IL1RAPL1: variants seen among roughly 807,000 people sequenced by gnomAD.
IL1RAPL1 encodes interleukin-1 receptor accessory protein-like 1.
IL1RAPL1 carries 3 observed loss-of-function variants against 48.4 expected under a neutral mutation model. The observed-to-expected ratio is 0.06, with a 90% confidence interval of 0.03 to 0.16. The LOEUF is 0.16. Ranked by LOEUF, IL1RAPL1 falls within the 10% of genes least tolerant of loss-of-function variation. IL1RAPL1 has a pLI of 1.00. For missense variants in IL1RAPL1, 349 were observed against 530.6 expected (o/e 0.66, Z 3.36); for synonymous variants, 185 against 187.7 (o/e 0.99, Z 0.12).
rs1394553969 is a variant in IL1RAPL1, at chrX:29,144,624, A to AG, written c.83-138314_83-138313insG. 2.8e-5 allele frequency among the ~76,000 whole-genome samples: 3 copies of AG among 108,283 alleles called. No individual in the cohort carries two copies. The East Asian group carries it at 8.6e-4, about 31-fold the overall frequency. 94.0% of individuals were successfully genotyped at this position (108,283 alleles called of 115,157 possible). ...GTCTCAAAAAAAAAAAAAAAAAAAA[A>AG]AGGAAAGATCTGAATAAATAATCTC... is the stretch of plus-strand genomic sequence containing the variant. On this transcript the variant is annotated intron_variant, in intron 2 of 10. Transcript: ENST00000378993.
chrX:28,949,231 A>G (rs1425865858), intron 2 of IL1RAPL1, among the ~76,000 whole-genome samples: 2 of 111,010 alleles, frequency 1.8e-5, no homozygotes, highest in African/African-American at 6.5e-5. Context: ...AAATTCTTCA[A>G]AGATAACTGC....
intron 1 of IL1RAPL1, among the ~76,000 whole-genome samples, chrX:28,666,295 C>G (rs1230739643): frequency 9.0e-6 from 1 of 111,723 alleles, no homozygotes; most frequent in Non-Finnish European, 1.9e-5. Context: ...ACAGTGGACC[C>G]CACCTATTTG....
At chrX:29,202,581 C>G (rs1029839497) in intron 2 of IL1RAPL1, among the ~76,000 whole-genome samples, 31 of 111,830 alleles carry the variant, frequency 2.8e-4, no homozygotes, top group Admixed American at 7.6e-4. Flanking sequence ...CAGCATTATT[C>G]ATAATAGCAA....
In IL1RAPL1 at chrX:29,745,863, G is replaced by A. The variant is rs554820609; in HGVS notation, c.778+77359G>A. Among the ~76,000 whole-genome samples the A allele has an allele frequency of 4.5e-5, 5 of 111,407 alleles. No homozygotes were observed. In the East Asian group the frequency reaches 1.4e-3, roughly 31 times the overall value. On this transcript the variant is annotated intron_variant, in intron 6 of 10. Coordinates refer to ENST00000378993, the MANE Select transcript of IL1RAPL1 (RefSeq NM_014271.4). Reference sequence around the variant, plus strand: ...CATTTAAAATGTGTGCTTTAAAGTCGAGTCTCTGCTATCTACCATACCAAT... The same window carrying A: ...CATTTAAAATGTGTGCTTTAAAGTCAAGTCTCTGCTATCTACCATACCAAT...
intron 2 of IL1RAPL1, among the ~76,000 whole-genome samples, chrX:29,132,764 A>T (rs922420544): frequency 9.0e-6 from 1 of 111,557 alleles, no homozygotes; most frequent in Admixed American, 9.6e-5. Context: ...CTGTGACGTT[A>T]TTCTACCTTT....
chrX:29,477,035 C>T (rs1273613483), intron 5 of IL1RAPL1, among the ~76,000 whole-genome samples: 4 of 106,630 alleles, frequency 3.8e-5, no homozygotes, highest in African/African-American at 7.0e-5. Context: ...CGCCCGCCAC[C>T]GCGCCCGGCT....
chrX:29,892,620 G>T (rs145478126), intron 6 of IL1RAPL1, among the ~76,000 whole-genome samples: 1,841 of 112,393 alleles, frequency 0.016, 35 homozygotes, highest in African/African-American at 0.056. Context: ...AATACTTGAG[G>T]AAATCTTTCT....
intron 6 of IL1RAPL1, among the ~76,000 whole-genome samples, chrX:29,802,919 ATATATACATAT>A (rs1464386213): frequency 1.9e-5 from 1 of 53,609 alleles, no homozygotes; most frequent in Non-Finnish European, 3.7e-5. Context: ...ATATGTGTAC[ATATATACATAT>A]ATGTGTACAT....
At chrX:28,894,088 G>A (rs899882781) in intron 2 of IL1RAPL1, among the ~76,000 whole-genome samples, 5 of 112,090 alleles carry the variant, frequency 4.5e-5, no homozygotes, top group Middle Eastern at 4.6e-3. Flanking sequence ...TTTGAGAAGC[G>A]TTTTTTTATT....
chrX:29,296,140 T>G (rs1932446310), intron 3 of IL1RAPL1, among the ~76,000 whole-genome samples: 1 of 111,875 alleles, frequency 8.9e-6, no homozygotes, highest in Non-Finnish European at 1.9e-5. Context: ...GGAGCTGTGG[T>G]GCATAAATTG....
At chrX:29,838,543 CTTTG>C (rs1473497727) in intron 6 of IL1RAPL1, among the ~76,000 whole-genome samples, 1 of 111,965 alleles carries the variant, frequency 8.9e-6, no homozygotes, top group Non-Finnish European at 1.9e-5. Flanking sequence ...CAGAGAAGAG[CTTTG>C]TTTGAGATTT....
intron 2 of IL1RAPL1, among the ~76,000 whole-genome samples, chrX:29,259,718 C>T (rs1931818687): frequency 8.9e-6 from 1 of 111,776 alleles, no homozygotes; most frequent in Admixed American, 9.6e-5. Flanking sequence ...AGGTTGCCTA[C>T]ATTACAGTGG....
chrX:28,991,848 T>G (rs1925611530), intron 2 of IL1RAPL1, among the ~76,000 whole-genome samples: 1 of 112,598 alleles, frequency 8.9e-6, no homozygotes, highest in South Asian at 3.6e-4. Flanking sequence ...TGTTTCACAA[T>G]TATTTATTGA....
At chrX:29,480,076 A>G (rs1935022979) in intron 5 of IL1RAPL1, among the ~76,000 whole-genome samples, 1 of 108,307 alleles carries the variant, frequency 9.2e-6, no homozygotes, top group African/African-American at 3.4e-5. Flanking sequence ...ACAACTTCAC[A>G]GAAATCAATC....
chrX:28,840,281 T>C (rs1415826846), intron 2 of IL1RAPL1, among the ~76,000 whole-genome samples: 3 of 111,134 alleles, frequency 2.7e-5, no homozygotes, highest in African/African-American at 6.5e-5. Flanking sequence ...AATCAGAAAA[T>C]TGACATTGGC....
chrX:29,883,339 G>C (rs907705332), intron 6 of IL1RAPL1, among the ~76,000 whole-genome samples: 4 of 110,748 alleles, frequency 3.6e-5, no homozygotes, highest in African/African-American at 1.3e-4. Flanking sequence ...AGCATTTTCA[G>C]CCTAAATGCT....
chrX:29,005,422 G>GT lies in IL1RAPL1; in HGVS notation c.82+216005dup, dbSNP rs767422259. On this transcript the variant is annotated intron_variant, in intron 2 of 10. Transcript: ENST00000378993. Reference sequence around the variant, plus strand: ...ATAGAATATATGAGATTAGAATTAGGTTTTTTTTCCTCTGATTTGAAATTA... The same window carrying GT: ...ATAGAATATATGAGATTAGAATTAGGTTTTTTTTTCCTCTGATTTGAAATTA... Among the ~76,000 whole-genome samples, 314 of 111,344 alleles carry GT rather than the reference G, an allele frequency of 2.8e-3. 1 individual carries two copies. The highest frequency in any genetic ancestry group is 9.7e-3 in the African/African-American group (297 of 30,689).
chrX:29,582,740 T>C (rs1353684873), intron 5 of IL1RAPL1, among the ~76,000 whole-genome samples: 16 of 52,152 alleles, frequency 3.1e-4, no homozygotes, highest in African/African-American at 1.2e-3. Flanking sequence ...TTTTTATGGC[T>C]GCATAGTATT....
chrX:29,172,363 G>GA (rs1929925190), intron 2 of IL1RAPL1, among the ~76,000 whole-genome samples: 2 of 111,721 alleles, frequency 1.8e-5, no homozygotes, highest in Non-Finnish European at 3.8e-5. Context: ...TCTGGTCCCT[G>GA]TTCAAGACAT....
Sources: gnomAD v4.1 joint callset for allele counts (sites outside exome capture counted in the v4.1 genomes callset) on GRCh38, gnomAD v4.1.1 for gene constraint, MANE v1.5 for transcripts, NCBI Gene and HGNC (gene_info 2026-07-23, HGNC 2026-07-21) for gene names.